The following WNT3A variants were observed in gnomAD, a reference collection of about 807,000 sequenced individuals.
WNT3A encodes the protein protein Wnt-3a.
A neutral mutation model predicts 37.0 loss-of-function variants in WNT3A; 17 were observed. That is an observed-to-expected ratio of 0.46 (90% CI 0.31 to 0.69). The LOEUF (loss-of-function observed/expected upper bound fraction) is 0.69. Among genes scored for constraint, WNT3A ranks in the 30% least tolerant of loss-of-function variants. The pLI is 0.05. For synonymous variants in WNT3A, 187 were observed against 211.0 expected (o/e 0.89, Z 0.99); for missense variants, 411 against 510.2 (o/e 0.81, Z 1.87).
At position 228,059,681 on chromosome 1, in the gene WNT3A, C is replaced by T. The variant is rs2031755377; in HGVS notation, c.*216C>T. The T allele has an allele frequency of 2.2e-6, 3 of 1,351,720 alleles. No individual in the cohort carries two copies. Among genetic ancestry groups the T allele is most frequent in the Non-Finnish European group, 1.9e-6 (2 of 1,059,550 alleles). 83.7% of individuals were successfully genotyped at this position (1,351,720 alleles called of 1,614,324 possible). A position where few individuals can be genotyped will look rare whatever the true frequency, so the allele number is the denominator to read the frequency against. ...CTCCTCTCTGGTGGCTGGGCTGCTC[C>T]TGAATGAGGCGGAGCTCCAGGATGG... On this transcript the variant is annotated 3_prime_UTR_variant, in exon 4 of 4. Coordinates refer to ENST00000284523, the MANE Select transcript of WNT3A (RefSeq NM_033131.4).
intron 2 of WNT3A, among the ~76,000 whole-genome samples, chr1:228,048,764 C>T (rs1013045487): frequency 6.6e-6 from 1 of 152,042 alleles, no homozygotes; most frequent in Admixed American, 6.6e-5. Flanking sequence ...AGGCCCACCC[C>T]CTCTCCTCAT....
At position 228,039,886 on chromosome 1, in the gene WNT3A, C is replaced by A. The variant is rs1338987586; in HGVS notation, c.314-10770C>A. ...TGGTCGCATTTAACAACAATCCCCA[C>A]CCCCTGACCCAGAACTTTCCCTCCT... On this transcript the variant is annotated intron_variant, in intron 2 of 3. Transcript: ENST00000284523. This position sits in a 1 kb window ranked among gnomAD's most constrained non-coding sequence, Gnocchi z 4.1. Among the ~76,000 whole-genome samples, 1 of 152,168 alleles carries A rather than the reference C, an allele frequency of 6.6e-6. No homozygotes were observed. Among genetic ancestry groups the A allele is most frequent in the African/African-American group, 2.4e-5 (1 of 41,436 alleles).
In WNT3A at chr1:228,038,089, G is replaced by A. The variant is rs1046960076; in HGVS notation, c.314-12567G>A. Among the ~76,000 whole-genome samples the A allele has an allele frequency of 6.6e-6, 1 of 152,004 alleles. No homozygotes were observed. ...CGCCCGGCCGCGCGGGCCGCCCGGCGGTGTCAGGGGCCGTGGCCGCGGTGG... is the reference window on the plus strand; with the variant it reads ...CGCCCGGCCGCGCGGGCCGCCCGGCAGTGTCAGGGGCCGTGGCCGCGGTGG... On this transcript the variant is annotated intron_variant, in intron 2 of 3. Transcript: ENST00000284523. The surrounding 1 kb of genome is among the most constrained non-coding windows in gnomAD (Gnocchi z 5.7).
intron 2 of WNT3A, among the ~76,000 whole-genome samples, chr1:228,049,536 G>A (rs954880609): frequency 1.3e-5 from 2 of 152,280 alleles, no homozygotes; most frequent in African/African-American, 4.8e-5. Flanking sequence ...CAAACCTAAC[G>A]GCTGGTGGAC....
intron 2 of WNT3A, among the ~76,000 whole-genome samples, chr1:228,026,500 G>A (rs2030857955): frequency 6.6e-6 from 1 of 152,030 alleles, no homozygotes; most frequent in South Asian, 2.1e-4. Context: ...GGATACAAGT[G>A]TTTTTTTGTT....
chr1:228,022,736 C>T lies in WNT3A; in HGVS notation c.141C>T (p.Gly47=), dbSNP rs2030742390. 1.2e-6 allele frequency: 2 copies of T among 1,614,164 alleles called. No individual in the cohort carries two copies. The highest frequency in any genetic ancestry group is 1.7e-6 in the Non-Finnish European group (2 of 1,180,030). The change falls in exon 2 of 4, where the codon GGC becomes GGT. Residue 47 remains glycine, a synonymous_variant. Transcript: ENST00000284523. ...CCATCCTGTGTGCCAGCATCCCGGGCCTGGTCCCCAAGCAGCTCCGCTTCT... is the reference window on the plus strand; with the variant it reads ...CCATCCTGTGTGCCAGCATCCCGGGTCTGGTCCCCAAGCAGCTCCGCTTCT... The part of the protein sequence containing the change: ...SQPILCASIP[G]LVPKQLRFCR...
rs752010161 is a variant in WNT3A at position 228,022,893 on chromosome 1, C to T, written c.298C>T (p.Pro100Ser). Residue 100 changes from proline to serine, a missense_variant, in exon 2 of 4, where the codon CCC becomes TCC. Pro to Ser is a moderately conservative substitution (Grantham distance 74, BLOSUM62 -1). Coordinates refer to ENST00000284523, the MANE Select transcript of WNT3A (RefSeq NM_033131.4). ...TVHDSLAIFG[P>S]VLDKATRESA... The stretch of plus-strand genomic sequence containing the variant: ...CCACGACAGCCTGGCCATCTTCGGG[C>T]CCGTGCTGGACAAAGGTATGGGGGT... 2 of 1,610,102 alleles carry T rather than the reference C, an allele frequency of 1.2e-6. No individual in the cohort carries two copies. Among genetic ancestry groups the T allele is most frequent in the Non-Finnish European group, 1.7e-6 (2 of 1,177,218 alleles).
intron 2 of WNT3A, among the ~76,000 whole-genome samples, chr1:228,041,479 A>G (rs1225581545): frequency 6.6e-6 from 1 of 151,006 alleles, no homozygotes; most frequent in Non-Finnish European, 1.5e-5. Flanking sequence ...CCATCTGTCA[A>G]TCTGCCATCC....
chr1:228,050,548 C>T lies in WNT3A; in HGVS notation c.314-108C>T, dbSNP rs2031520851. 7.2e-7 allele frequency: 1 copy of T among 1,384,084 alleles called. No homozygotes were observed. The allele number at this position is 1,384,084 out of a possible 1,614,324, so 85.7% of individuals were successfully genotyped here. A position where few individuals can be genotyped will look rare whatever the true frequency, so the allele number is the denominator to read the frequency against. The stretch of plus-strand genomic sequence containing the variant: ...CCTCTTTGCCTTATACACCACCCAA[C>T]CTCACGAGTTCCTTTATAACAATGC... On this transcript the variant is annotated intron_variant, in intron 2 of 3. Transcript: ENST00000284523. The surrounding 1 kb of genome is among the most constrained non-coding windows in gnomAD (Gnocchi z 5.0).
In WNT3A at chr1:228,007,071, C is replaced by T. The variant is rs2030214710; in HGVS notation, c.-58C>T. 4 of 1,393,186 alleles carry T rather than the reference C, an allele frequency of 2.9e-6. No individual in the cohort carries two copies. The highest frequency in any genetic ancestry group is 3.8e-6 in the Non-Finnish European group (4 of 1,047,380). The allele number at this position is 1,393,186 out of a possible 1,614,324, so 86.3% of individuals were successfully genotyped here. On this transcript the variant is annotated 5_prime_UTR_variant, in exon 1 of 4. Transcript: ENST00000284523. The surrounding 1 kb of genome is among the most constrained non-coding windows in gnomAD (Gnocchi z 6.0). Reference sequence around the variant, plus strand: ...GCGCCAGCTCCCAGGGCCCGGCCCCCCCCGGCGCTCACGCTCTCGGGGCGG... The same window carrying T: ...GCGCCAGCTCCCAGGGCCCGGCCCCTCCCGGCGCTCACGCTCTCGGGGCGG...
At chr1:228,021,604 G>A (rs74143614) in intron 1 of WNT3A, among the ~76,000 whole-genome samples, 2,300 of 152,288 alleles carry the variant, frequency 0.015, 26 homozygotes, top group African/African-American at 0.029. Flanking sequence ...CTTGGGTGGC[G>A]TCCAAGTTCC....
intron 1 of WNT3A, among the ~76,000 whole-genome samples, chr1:228,010,089 C>G (rs887159126): frequency 6.6e-6 from 1 of 152,244 alleles, no homozygotes; most frequent in Non-Finnish European, 1.5e-5. Flanking sequence ...TGGCCCCAGC[C>G]TCCCAGCACG....
At chr1:228,029,799 G>T (rs1489142982) in intron 2 of WNT3A, among the ~76,000 whole-genome samples, 1 of 151,576 alleles carries the variant, frequency 6.6e-6, no homozygotes, top group East Asian at 1.9e-4. Flanking sequence ...TTAGAAGGTG[G>T]GGCCTTTGGG....
chr1:228,032,602 GA>G (rs1483322393), intron 2 of WNT3A, among the ~76,000 whole-genome samples: 5 of 152,184 alleles, frequency 3.3e-5, no homozygotes, highest in Admixed American at 1.3e-4. Flanking sequence ...TTCACTCACT[GA>G]TAGGCATTTG....
chr1:228,051,154 T>G (rs1370884888), intron 3 of WNT3A, among the ~76,000 whole-genome samples: 1 of 149,446 alleles, frequency 6.7e-6, no homozygotes, highest in South Asian at 2.2e-4. Flanking sequence ...CAAGAAGGAG[T>G]GATGAGGCAA....
At position 228,007,288 on chromosome 1, in the gene WNT3A, G is replaced by C. The variant is rs1418962084; in HGVS notation, c.71+89G>C. 2 of 1,376,218 alleles carry C rather than the reference G, an allele frequency of 1.5e-6. No homozygotes were observed. The highest frequency in any genetic ancestry group is 3.0e-5 in the African/African-American group (2 of 66,858). The allele number at this position is 1,376,218 out of a possible 1,614,324, so 85.3% of individuals were successfully genotyped here. Reference sequence around the variant, plus strand: ...TCGGGCAGGGACCCCGCGGTGGCCCGAGCCCGCGCCCTTCTGCTCCAGCCC... The same window carrying C: ...TCGGGCAGGGACCCCGCGGTGGCCCCAGCCCGCGCCCTTCTGCTCCAGCCC... On this transcript the variant is annotated intron_variant, in intron 1 of 3. Transcript: ENST00000284523. The surrounding 1 kb of genome is among the most constrained non-coding windows in gnomAD (Gnocchi z 6.0).
Position 228,045,896 on chromosome 1 carries a change from G to C in WNT3A, c.314-4760G>C, listed in dbSNP as rs980429768. Among the ~76,000 whole-genome samples, 3 of 152,212 alleles carry C rather than the reference G, an allele frequency of 2.0e-5. No homozygotes were observed. In the East Asian group the frequency reaches 5.8e-4, roughly 29 times the overall value. ...ATTCTGGCCCCAGGAAATATCTATG[G>C]GCTGGGCCTTGTGCTCCAGATTGCA... On this transcript the variant is annotated intron_variant, in intron 2 of 3. Coordinates refer to ENST00000284523, the MANE Select transcript of WNT3A (RefSeq NM_033131.4).
intron 3 of WNT3A, among the ~76,000 whole-genome samples, chr1:228,052,804 C>A (rs1164240093): frequency 3.9e-5 from 6 of 152,164 alleles, no homozygotes; most frequent in Admixed American, 1.3e-4. Context: ...CATAATTACC[C>A]AATTCATGAT....
Position 228,037,368 on chromosome 1 carries a change from G to A in WNT3A, c.314-13288G>A, listed in dbSNP as rs1463180035. On this transcript the variant is annotated intron_variant, in intron 2 of 3. Transcript: ENST00000284523. This position sits in a 1 kb window ranked among gnomAD's most constrained non-coding sequence, Gnocchi z 4.1. ...GGGGAGAGTAATGAAAGGGTCCTGC[G>A]CACCACATGTCAGTAAGCCTTGTTG... 2.6e-5 allele frequency among the ~76,000 whole-genome samples: 4 copies of A among 152,124 alleles called. No individual in the cohort carries two copies. The highest frequency in any genetic ancestry group is 1.3e-4 in the Admixed American group (2 of 15,278).
Sources: gnomAD v4.1 joint callset for allele counts (sites outside exome capture counted in the v4.1 genomes callset) on GRCh38, gnomAD v4.1.1 for gene constraint, Gnocchi (gnomAD v3.1) non-coding constraint, MANE v1.5 for transcripts, NCBI Gene and HGNC (gene_info 2026-07-23, HGNC 2026-07-21) for gene names.